The following CERS6 variants were observed in gnomAD, a reference collection of about 807,000 sequenced individuals.
CERS6 encodes the protein LAG1 homolog, ceramide synthase 6.
A neutral mutation model predicts 56.8 loss-of-function variants in CERS6; 26 were observed. That is an observed-to-expected ratio of 0.46 (90% CI 0.34 to 0.63). The LOEUF (loss-of-function observed/expected upper bound fraction) is 0.63. Among genes scored for constraint, CERS6 ranks in the 30% least tolerant of loss-of-function variants. CERS6 has a pLI of 0.01. For missense variants in CERS6, 415 were observed against 467.5 expected (o/e 0.89, Z 1.04); for synonymous variants, 164 against 173.3 (o/e 0.95, Z 0.42).
chr2:168,524,330 A>G (rs372847195), intron 1 of CERS6, among the ~76,000 whole-genome samples: 10 of 152,224 alleles, frequency 6.6e-5, no homozygotes, highest in African/African-American at 1.9e-4. Context: ...GTTATTTTCC[A>G]TACAATTAGA....
intron 1 of CERS6, among the ~76,000 whole-genome samples, chr2:168,491,868 T>C (rs1694380635): frequency 6.6e-6 from 1 of 152,076 alleles, no homozygotes; most frequent in Non-Finnish European, 1.5e-5. Context: ...GAACATGTGG[T>C]GTTTGGTTTT....
chr2:168,564,081 T>C (rs1053014549), intron 3 of CERS6, among the ~76,000 whole-genome samples: 1 of 152,222 alleles, frequency 6.6e-6, no homozygotes, highest in African/African-American at 2.4e-5. Context: ...GTGTGGTCTT[T>C]AATGTGTTAA....
Position 168,486,518 on chromosome 2 carries a change from G to GTTTTTTTTTTTTTT in CERS6, c.170+29900_170+29901insTTTTTTTTTTTTTT, listed in dbSNP as rs1491580943. Among the ~76,000 whole-genome samples the GTTTTTTTTTTTTTT allele has an allele frequency of 1.1e-3, 154 of 136,240 alleles. 3 individuals carry two copies. Among genetic ancestry groups the GTTTTTTTTTTTTTT allele is most frequent in the East Asian group, 7.6e-3 (34 of 4,502 alleles). 89.4% of individuals were successfully genotyped at this position (136,240 alleles called of 152,430 possible). A position where few individuals can be genotyped will look rare whatever the true frequency, so the allele number is the denominator to read the frequency against. ...ATTTTTGTTAAAGGTGTCTAGATTT[G>GTTTTTTTTTTTTTT]GTTTTGTTTTTTTTTTTTTTGCCTA... On this transcript the variant is annotated intron_variant, in intron 1 of 9. Coordinates refer to ENST00000305747, the MANE Select transcript of CERS6 (RefSeq NM_203463.3).
At chr2:168,542,756 G>C (rs866473228) in intron 1 of CERS6, among the ~76,000 whole-genome samples, 4 of 152,184 alleles carry the variant, frequency 2.6e-5, no homozygotes, top group Middle Eastern at 3.4e-3. Context: ...GAGTGCAGTG[G>C]CACAATATTG....
At chr2:168,736,465 A>G (rs574814029) in intron 8 of CERS6, among the ~76,000 whole-genome samples, 1 of 151,958 alleles carries the variant, frequency 6.6e-6, no homozygotes, top group Admixed American at 6.5e-5. Flanking sequence ...CACGGGCACT[A>G]CAGGCGTGTC....
At chr2:168,544,075 G>A (rs1189526791) in intron 1 of CERS6, among the ~76,000 whole-genome samples, 2 of 152,188 alleles carry the variant, frequency 1.3e-5, no homozygotes, top group African/African-American at 4.8e-5. Context: ...GCATATAAAT[G>A]AAAAGATGCT....
At chr2:168,594,358 G>A (rs1467368212) in intron 3 of CERS6, among the ~76,000 whole-genome samples, 1 of 152,172 alleles carries the variant, frequency 6.6e-6, no homozygotes, top group Non-Finnish European at 1.5e-5. Context: ...GCTAAGGCAG[G>A]TGGATTGCTT....
chr2:168,721,549 T>TG (rs1366908772), intron 8 of CERS6, among the ~76,000 whole-genome samples: 1 of 30,324 alleles, frequency 3.3e-5, no homozygotes, highest in Non-Finnish European at 1.4e-4. Flanking sequence ...TTAGTTTTTG[T>TG]TTTTGTTTTT....
intron 8 of CERS6, among the ~76,000 whole-genome samples, chr2:168,736,742 C>T (rs1044294839): frequency 5.9e-5 from 9 of 152,348 alleles, no homozygotes; most frequent in South Asian, 2.1e-4. Flanking sequence ...CAAAGAGAAT[C>T]GTGTGATGGC....
intron 1 of CERS6, among the ~76,000 whole-genome samples, chr2:168,492,696 A>G (rs534958828): frequency 2.0e-5 from 3 of 152,282 alleles, no homozygotes; most frequent in African/African-American, 7.2e-5. Flanking sequence ...GGCCATGCCT[A>G]TGTCCTGAAT....
At chr2:168,577,461 T>C (rs1208160911) in intron 3 of CERS6, among the ~76,000 whole-genome samples, 3 of 152,074 alleles carry the variant, frequency 2.0e-5, no homozygotes, top group Admixed American at 2.0e-4. Context: ...AGAATAGTCA[T>C]TAGAGGAGGA....
chr2:168,668,925 G>A (rs1405692197), intron 4 of CERS6, among the ~76,000 whole-genome samples: 2 of 152,070 alleles, frequency 1.3e-5, no homozygotes, highest in Non-Finnish European at 2.9e-5. Flanking sequence ...TGAGATATTG[G>A]GGGAAAATGT....
chr2:168,567,560 AAAAAT>A, intron 3 of CERS6, among the ~76,000 whole-genome samples: 1 of 152,362 alleles, frequency 6.6e-6, no homozygotes, highest in Middle Eastern at 3.4e-3. Flanking sequence ...ATACATTACA[AAAAAT>A]AAAAGCTATT....
chr2:168,707,392 C>G (rs1464433840), intron 6 of CERS6, among the ~76,000 whole-genome samples: 1 of 152,142 alleles, frequency 6.6e-6, no homozygotes, highest in Non-Finnish European at 1.5e-5. Context: ...ATAATTGATT[C>G]CTTCCTGCCA....
rs190726185 is a variant in CERS6 at position 168,482,629 on chromosome 2, A to G, written c.170+26011A>G. 2.6e-3 allele frequency among the ~76,000 whole-genome samples: 394 copies of G among 152,380 alleles called. 1 individual carries two copies. Among genetic ancestry groups the G allele is most frequent in the African/African-American group, 9.0e-3 (376 of 41,596 alleles). On this transcript the variant is annotated intron_variant, in intron 1 of 9. Coordinates refer to ENST00000305747, the MANE Select transcript of CERS6 (RefSeq NM_203463.3). Reference sequence around the variant, plus strand: ...GGCATCTATCTGGAAGGATTTGCTAAGAGAAAAGTTTCTGTTTTCCATTTA... The same window carrying G: ...GGCATCTATCTGGAAGGATTTGCTAGGAGAAAAGTTTCTGTTTTCCATTTA...
At chr2:168,759,588 G>A (rs1050434574) in intron 8 of CERS6, among the ~76,000 whole-genome samples, 1 of 152,140 alleles carries the variant, frequency 6.6e-6, no homozygotes, top group Non-Finnish European at 1.5e-5. Flanking sequence ...CAATTGCTTA[G>A]CCTTGGTGGG....
intron 1 of CERS6, among the ~76,000 whole-genome samples, chr2:168,523,923 A>G (rs189771520): frequency 6.6e-6 from 1 of 152,292 alleles, no homozygotes; most frequent in East Asian, 1.9e-4. Context: ...GCTGCATTAG[A>G]CAGCAGTAGA....
rs147002301 is a variant in CERS6, at chr2:168,738,597, G to T, written c.845+20619G>T. Among the ~76,000 whole-genome samples the T allele has an allele frequency of 3.3e-3, 495 of 152,290 alleles. 2 individuals carry two copies. The highest frequency in any genetic ancestry group is 0.011 in the African/African-American group (461 of 41,552). On this transcript the variant is annotated intron_variant, in intron 8 of 9. Coordinates refer to ENST00000305747, the MANE Select transcript of CERS6 (RefSeq NM_203463.3). ...TAAGCAAGTAGTCTGTTGAGGGATA[G>T]ACTTCTAAGTAAGCATAAAATGGAA...
chr2:168,478,939 T>G (rs1328458449), intron 1 of CERS6, among the ~76,000 whole-genome samples: 1 of 152,254 alleles, frequency 6.6e-6, no homozygotes, highest in African/African-American at 2.4e-5. Flanking sequence ...TTTTGTTAAA[T>G]TTTTGAGCCA....
Sources: allele counts gnomAD v4.1 joint callset (sites outside exome capture counted in the v4.1 genomes callset), GRCh38; gene constraint gnomAD v4.1.1; transcripts MANE v1.5; gene names NCBI Gene and HGNC (gene_info 2026-07-23, HGNC 2026-07-21).